Variants in ARHGAP26 observed in about 807,000 individuals in gnomAD.
ARHGAP26 encodes Rho GTPase activating protein 26.
A neutral mutation model predicts 104.8 loss-of-function variants in ARHGAP26; 38 were observed. That is an observed-to-expected ratio of 0.36 (90% CI 0.28 to 0.48). The LOEUF is 0.48. ARHGAP26 is among the 20% of genes least tolerant of loss of function. ARHGAP26 has a pLI of 0.99. For missense variants in ARHGAP26, 704 were observed against 947.9 expected, an observed-to-expected ratio of 0.74 and a Z score of 3.38; for synonymous variants, 341 against 340.0, an observed-to-expected ratio of 1.00 and a Z score of -0.03.
rs558957944 is a variant in ARHGAP26 at position 143,015,453 on chromosome 5, T to C, written c.1144+1337T>C. On this transcript the variant is annotated intron_variant, in intron 12 of 22. Transcript: ENST00000645722. ...GATAATACGACAAAGCTCTAAACTG[T>C]TTGTAGTCCTTGCCTCACCTTTCTG... Among the ~76,000 whole-genome samples the C allele has an allele frequency of 4.6e-5, 7 of 152,296 alleles. No homozygotes were observed. In the South Asian group the frequency reaches 1.5e-3, roughly 32 times the overall value.
At chr5:143,068,904 C>T (rs992197157) in intron 17 of ARHGAP26, among the ~76,000 whole-genome samples, 9 of 152,154 alleles carry the variant, frequency 5.9e-5, no homozygotes, top group Non-Finnish European at 1.0e-4. Flanking sequence ...TTCAGTGTTC[C>T]CTTCCTTAAT....
chr5:143,161,807 G>A (rs1180617850), intron 20 of ARHGAP26, among the ~76,000 whole-genome samples: 1 of 152,122 alleles, frequency 6.6e-6, no homozygotes, highest in African/African-American at 2.4e-5. Context: ...TTTTTGTTTT[G>A]TTTTGTAGTT....
At chr5:142,914,301 C>A (rs1762209436) in intron 10 of ARHGAP26, among the ~76,000 whole-genome samples, 1 of 152,238 alleles carries the variant, frequency 6.6e-6, no homozygotes, top group African/African-American at 2.4e-5. Context: ...TAGCCTTTAT[C>A]AGAAATTCGT....
intron 1 of ARHGAP26, among the ~76,000 whole-genome samples, chr5:142,799,274 C>T (rs898402377): frequency 1.3e-5 from 2 of 151,866 alleles, no homozygotes; most frequent in Admixed American, 6.6e-5. Context: ...TTCTTACATT[C>T]GTTACAACTC....
At chr5:142,979,839 GAGGTGGGC>G (rs1435867973) in intron 11 of ARHGAP26, among the ~76,000 whole-genome samples, 4 of 152,240 alleles carry the variant, frequency 2.6e-5, no homozygotes, top group Admixed American at 2.6e-4. Context: ...CGGAGTATGG[GAGGTGGGC>G]AGACAGCACT....
intron 1 of ARHGAP26, among the ~76,000 whole-genome samples, chr5:142,861,600 C>T (rs1753367701): frequency 6.6e-6 from 1 of 152,028 alleles, no homozygotes; most frequent in Admixed American, 6.6e-5. Flanking sequence ...CGGGTGGCTT[C>T]ATTGTCCTTT....
At chr5:143,095,454 T>C (rs907848732) in intron 17 of ARHGAP26, among the ~76,000 whole-genome samples, 2 of 152,250 alleles carry the variant, frequency 1.3e-5, no homozygotes, top group Non-Finnish European at 2.9e-5. Context: ...CTATGTGGAT[T>C]CTATCTGTTT....
At chr5:143,150,232 A>C (rs1799660560) in intron 20 of ARHGAP26, among the ~76,000 whole-genome samples, 1 of 152,216 alleles carries the variant, frequency 6.6e-6, no homozygotes, top group Non-Finnish European at 1.5e-5. Context: ...ATTGTTAGCA[A>C]CTGTGGCTGA....
chr5:142,882,787 T>G (rs1172213372), intron 4 of ARHGAP26, among the ~76,000 whole-genome samples: 1 of 152,224 alleles, frequency 6.6e-6, no homozygotes, highest in East Asian at 1.9e-4. Context: ...GTTCTTATTT[T>G]TATTTTGTTA....
intron 1 of ARHGAP26, among the ~76,000 whole-genome samples, chr5:142,808,656 A>G (rs1362063756): frequency 2.6e-5 from 4 of 152,082 alleles, no homozygotes; most frequent in Non-Finnish European, 4.4e-5. Context: ...GACATTGACA[A>G]TGAGTTCTGA....
intron 18 of ARHGAP26, among the ~76,000 whole-genome samples, chr5:143,121,602 G>T (rs7705006): frequency 0.24 from 36,429 of 151,926 alleles, 6,837 homozygotes; most frequent in African/African-American, 0.52. Flanking sequence ...CAAATATTTT[G>T]ACCTATAGTT....
chr5:142,784,135 C>T (rs548902769), intron 1 of ARHGAP26, among the ~76,000 whole-genome samples: 5 of 152,338 alleles, frequency 3.3e-5, no homozygotes, highest in Admixed American at 3.3e-4. Flanking sequence ...AGCAGACTAC[C>T]ATGCTGCCAG....
intron 11 of ARHGAP26, among the ~76,000 whole-genome samples, chr5:142,985,727 A>G (rs1042610529): frequency 6.0e-4 from 86 of 142,206 alleles, no homozygotes; most frequent in African/African-American, 2.1e-3. Flanking sequence ...TCATTGTTCA[A>G]TTCCCACCTA....
At chr5:143,078,754 CTG>C (rs1789396614) in intron 17 of ARHGAP26, among the ~76,000 whole-genome samples, 1 of 152,198 alleles carries the variant, frequency 6.6e-6, no homozygotes, top group Non-Finnish European at 1.5e-5. Context: ...CTGTGTCCAA[CTG>C]TGGTGAAATA....
intron 2 of ARHGAP26, among the ~76,000 whole-genome samples, chr5:142,874,278 A>G (rs1755759165): frequency 1.3e-5 from 2 of 152,198 alleles, no homozygotes; most frequent in African/African-American, 2.4e-5. Flanking sequence ...GGGCCTTGTC[A>G]TTGCACACTA....
chr5:142,781,872 C>T (rs892004130), intron 1 of ARHGAP26, among the ~76,000 whole-genome samples: 10 of 152,040 alleles, frequency 6.6e-5, no homozygotes, highest in South Asian at 4.1e-4. Flanking sequence ...CCACCATGCC[C>T]GGCTAATTTT....
chr5:143,041,722 G>GGA, intron 13 of ARHGAP26, 94 bp from the exon 14 acceptor site: 2 of 641,970 alleles, frequency 3.1e-6, no homozygotes, highest in South Asian at 2.0e-5. Context: ...CTGAGAAAAT[G>GGA]AAAAAAAAAA....
At chr5:142,950,769 A>G (rs755563782) in intron 11 of ARHGAP26, among the ~76,000 whole-genome samples, 2 of 152,220 alleles carry the variant, frequency 1.3e-5, no homozygotes, top group Non-Finnish European at 1.5e-5. Context: ...CACAACACAA[A>G]GATGACTATA....
intron 18 of ARHGAP26, among the ~76,000 whole-genome samples, chr5:143,130,090 G>T (rs1797152193): frequency 6.6e-6 from 1 of 152,176 alleles, no homozygotes; most frequent in South Asian, 2.1e-4. Flanking sequence ...GTAGCTGTAG[G>T]TGTTGCTGCC....
Sources: allele counts gnomAD v4.1 joint callset (sites outside exome capture counted in the v4.1 genomes callset), GRCh38; gene constraint gnomAD v4.1.1; transcripts MANE v1.5; gene names NCBI Gene and HGNC (gene_info 2026-07-23, HGNC 2026-07-21).